The following TBC1D10A variants were observed in gnomAD, a reference collection of about 807,000 sequenced individuals.
TBC1D10A encodes EBP50-PDX interactor of 64 kDa.
In TBC1D10A, 24 loss-of-function variants were observed where a neutral mutation model predicts 52.9. The observed-to-expected ratio is 0.45, with a 90% confidence interval of 0.33 to 0.64. The LOEUF (loss-of-function observed/expected upper bound fraction) is 0.64. Among genes scored for constraint, TBC1D10A ranks in the 30% least tolerant of loss-of-function variants. The pLI is 0.02. For missense variants in TBC1D10A, 602 were observed against 687.9 expected, an observed-to-expected ratio of 0.88 and a Z score of 1.40; for synonymous variants, 278 against 282.9, an observed-to-expected ratio of 0.98 and a Z score of 0.17.
chr22:30,322,584 C>A (rs1930677964), intron 1 of TBC1D10A, among the ~76,000 whole-genome samples: 1 of 130,876 alleles, frequency 7.6e-6, no homozygotes, highest in African/African-American at 2.8e-5. Context: ...TCTCTAAGGT[C>A]ACTTTCAGCT....
intron 1 of TBC1D10A, chr22:30,305,455 C>T (rs369168036): frequency 6.6e-6 from 1 of 152,258 alleles, no homozygotes; most frequent in Non-Finnish European, 1.5e-5. Context: ...AGGAAACAGG[C>T]TTAGAGAGGT....
chr22:30,314,441 T>C (rs966827849), intron 1 of TBC1D10A, among the ~76,000 whole-genome samples: 2 of 152,182 alleles, frequency 1.3e-5, no homozygotes, highest in Non-Finnish European at 2.9e-5. Flanking sequence ...GGCTCCTCTG[T>C]GAAATGGCAT....
intron 8 of TBC1D10A, 123 bp downstream of exon 8, chr22:30,293,528 T>C: frequency 7.3e-7 from 1 of 1,373,798 alleles, no homozygotes; most frequent in Non-Finnish European, 1.0e-6. Flanking sequence ...ATGTTCTGTG[T>C]TGCCTAGCAA....
intron 1 of TBC1D10A, among the ~76,000 whole-genome samples, chr22:30,324,123 T>C (rs1930716830): frequency 6.6e-6 from 1 of 152,180 alleles, no homozygotes; most frequent in Admixed American, 6.5e-5. Context: ...AGACAACCTT[T>C]GGCCCAGGGT....
At chr22:30,293,142 A>G in intron 8 of TBC1D10A, 1 of 629,156 alleles carries the variant, frequency 1.6e-6, no homozygotes, top group Admixed American at 2.5e-5. Flanking sequence ...ACAGACAAAA[A>G]CCTGCTCTCT....
rs1930072862 is a variant in TBC1D10A at position 30,295,961 on chromosome 22, G to A, written c.418-118C>T. 3 of 850,468 alleles carry A rather than the reference G, an allele frequency of 3.5e-6. No homozygotes were observed. The Admixed American group carries it at 7.9e-5, about 22-fold the overall frequency. 52.7% of individuals were successfully genotyped at this position (850,468 alleles called of 1,614,324 possible). A position where few individuals can be genotyped will look rare whatever the true frequency, so the allele number is the denominator to read the frequency against. On this transcript the variant is annotated intron_variant, in intron 3 of 8. Transcript: ENST00000215790. ...TCCACCAGGGGCAGTGCCCACCCAAGCCCATCACAGACTGGGCCTTCCCAA... is the reference window on the plus strand; with the variant it reads ...TCCACCAGGGGCAGTGCCCACCCAAACCCATCACAGACTGGGCCTTCCCAA...
chr22:30,307,331 C>A (rs549002976), intron 1 of TBC1D10A, among the ~76,000 whole-genome samples: 22 of 152,296 alleles, frequency 1.4e-4, no homozygotes, highest in African/African-American at 5.1e-4. Flanking sequence ...GTCTCTGAAG[C>A]CAAAAGAGAC....
intron 2 of TBC1D10A, among the ~76,000 whole-genome samples, chr22:30,303,011 T>C (rs963503309): frequency 3.9e-5 from 6 of 152,270 alleles, no homozygotes; most frequent in African/African-American, 1.4e-4. Flanking sequence ...CTGGGTGCAG[T>C]GGCTCATGCC....
chr22:30,304,054 C>T lies in TBC1D10A; in HGVS notation c.309+477G>A, dbSNP rs1230552968. ...TAAGAGGGCAGGTGCTAAAGGTACA[C>T]TGCTTGGGTTCAAATCTTGACCAGG... On this transcript the variant is annotated intron_variant, in intron 2 of 8. Transcript: ENST00000215790. 5.3e-5 allele frequency among the ~76,000 whole-genome samples: 8 copies of T among 152,328 alleles called. No individual in the cohort carries two copies. The East Asian group carries it at 1.2e-3, about 22-fold the overall frequency.
intron 1 of TBC1D10A, among the ~76,000 whole-genome samples, chr22:30,325,739 G>A (rs531626912): frequency 2.0e-5 from 3 of 152,252 alleles, no homozygotes; most frequent in African/African-American, 7.2e-5. Flanking sequence ...TGGGTGTCTG[G>A]GTGCTCTCGG....
chr22:30,305,984 A>G (rs1460645213), intron 1 of TBC1D10A, among the ~76,000 whole-genome samples: 1 of 152,226 alleles, frequency 6.6e-6, no homozygotes, highest in Non-Finnish European at 1.5e-5. Context: ...TGATAAAAGC[A>G]AAGCAAGGAC....
At chr22:30,308,332 A>ATGCCTGCCTGCCTGCCTGCCTGCATGCC (rs1312315017) in intron 1 of TBC1D10A, among the ~76,000 whole-genome samples, 3 of 45,580 alleles carry the variant, frequency 6.6e-5, no homozygotes, top group African/African-American at 3.4e-4. Context: ...GCATGCCTGC[A>ATGCCTGCCTGCCTGCCTGCCTGCATGCC]TGCCTGCCTG....
At chr22:30,307,080 G>C (rs1930324117) in intron 1 of TBC1D10A, among the ~76,000 whole-genome samples, 1 of 152,124 alleles carries the variant, frequency 6.6e-6, no homozygotes, top group African/African-American at 2.4e-5. Flanking sequence ...ACCCTCTAAG[G>C]AGGCCCACAG....
intron 7 of TBC1D10A, 39 bp downstream of exon 7, chr22:30,293,882 C>T (rs375662491): frequency 9.4e-6 from 15 of 1,603,854 alleles, no homozygotes; most frequent in Non-Finnish European, 1.1e-5. Flanking sequence ...CTGTGGGCTG[C>T]TGGGGACAGG....
intron 1 of TBC1D10A, among the ~76,000 whole-genome samples, chr22:30,305,282 G>A (rs111281613): frequency 6.6e-6 from 1 of 152,198 alleles, no homozygotes; most frequent in Non-Finnish European, 1.5e-5. Flanking sequence ...GTTCTAGGGC[G>A]AGGGCCTCTG....
chr22:30,307,540 C>A (rs1930333806), intron 1 of TBC1D10A, among the ~76,000 whole-genome samples: 1 of 152,200 alleles, frequency 6.6e-6, no homozygotes, highest in Admixed American at 6.5e-5. Context: ...TTCTCCCATA[C>A]CAGGCACACA....
At position 30,292,684 on chromosome 22, in the gene TBC1D10A, A is replaced by G; in HGVS notation, c.1218T>C (p.Pro406=). The part of the protein sequence containing the change: ...AEPGPRPALQ[P]SPSIRLPLDA... ...CTAGGGGCAGGCGGATGGATGGTGA[A>G]GGTTGTAGGGCAGGCCGGGGACCAG... is the stretch of plus-strand genomic sequence containing the variant. Residue 406 remains proline (P), a synonymous_variant, in exon 9 of 9, where the codon CCT becomes CCC. Coordinates refer to ENST00000215790, the MANE Select transcript of TBC1D10A (RefSeq NM_031937.3). The G allele has an allele frequency of 1.2e-6, 2 of 1,608,792 alleles. No individual in the cohort carries two copies. Among genetic ancestry groups the G allele is most frequent in the Non-Finnish European group, 1.7e-6 (2 of 1,177,366 alleles).
chr22:30,317,797 AT>A, intron 1 of TBC1D10A, among the ~76,000 whole-genome samples: 1 of 152,126 alleles, frequency 6.6e-6, no homozygotes, highest in Non-Finnish European at 1.5e-5. Flanking sequence ...GGGTCTCACT[AT>A]GTTGACCAGA....
rs1929955932 is a variant in TBC1D10A at position 30,292,131 on chromosome 22, C to T, written c.*244G>A. 2.3e-6 allele frequency: 1 copy of T among 433,986 alleles called. No homozygotes were observed. The highest frequency in any genetic ancestry group is 4.1e-6 in the Non-Finnish European group (1 of 245,734). 26.9% of individuals were successfully genotyped at this position (433,986 alleles called of 1,614,324 possible). ...AGGGGGCTGAAGGAGGCCCCACCCC[C>T]CAGGCCCTAGCTTCTGCCTGCCCTG... On this transcript the variant is annotated 3_prime_UTR_variant, in exon 9 of 9. Transcript: ENST00000215790.
Sources: gnomAD v4.1 joint callset for allele counts (sites outside exome capture counted in the v4.1 genomes callset) on GRCh38, gnomAD v4.1.1 for gene constraint, MANE v1.5 for transcripts, NCBI Gene and HGNC (gene_info 2026-07-23, HGNC 2026-07-21) for gene names.